Variants in BBS9 observed in about 807,000 individuals in gnomAD.
BBS9 encodes protein PTHB1.
A neutral mutation model predicts 117.7 loss-of-function variants in BBS9; 89 were observed. The observed-to-expected ratio is 0.76, with a 90% CI of 0.64 to 0.90. The LOEUF is 0.90. BBS9 is among the 40% of genes least tolerant of loss of function. The pLI, the probability that BBS9 is intolerant of heterozygous loss-of-function variation, is 0.00. For synonymous variants in BBS9, 379 were observed against 370.9 expected (o/e 1.02, Z -0.25); for missense variants, 982 against 1,042.2 (o/e 0.94, Z 0.80).
chr7:33,269,996 C>T lies in BBS9; in HGVS notation c.703-3016C>T, dbSNP rs185433370. 8.5e-5 allele frequency among the ~76,000 whole-genome samples: 12 copies of T among 141,438 alleles called. No individual in the cohort carries two copies. The East Asian group carries it at 2.5e-3, about 29-fold the overall frequency. The allele number at this position is 141,438 out of a possible 152,430, so 92.8% of individuals were successfully genotyped here. On this transcript the variant is annotated intron_variant, in intron 7 of 22. Transcript: ENST00000242067. ...TGAGATAGCTTCACTGCACTCCAGC[C>T]TGGCGACAGAGCAAGACTCTGTCTC...
intron 19 of BBS9, among the ~76,000 whole-genome samples, chr7:33,418,293 C>T (rs1832328621): frequency 6.6e-6 from 1 of 152,144 alleles, no homozygotes; most frequent in Non-Finnish European, 1.5e-5. Context: ...TCCGGACATA[C>T]AGTGTGACAT....
chr7:33,302,973 T>C (rs142052744), intron 9 of BBS9, among the ~76,000 whole-genome samples: 1,554 of 152,304 alleles, frequency 0.01, 19 homozygotes, highest in South Asian at 0.012. Flanking sequence ...GTTTTCATTG[T>C]AGAGATCTTT....
chr7:33,396,738 A>T (rs1005428792), intron 19 of BBS9, among the ~76,000 whole-genome samples: 3 of 152,172 alleles, frequency 2.0e-5, no homozygotes, highest in Non-Finnish European at 2.9e-5. Context: ...GCATCACCCC[A>T]CCTGACTTCA....
chr7:33,626,316 T>C (rs1865633912), intron 21 of BBS9, among the ~76,000 whole-genome samples: 1 of 152,212 alleles, frequency 6.6e-6, no homozygotes, highest in South Asian at 2.1e-4. Flanking sequence ...TTAAACCTCT[T>C]TTCTTTATAA....
chr7:33,224,510 A>T lies in BBS9; in HGVS notation c.443-32726A>T, dbSNP rs141674147. Among the ~76,000 whole-genome samples, 5 of 152,350 alleles carry T rather than the reference A, an allele frequency of 3.3e-5. No homozygotes were observed. In the East Asian group the frequency reaches 9.6e-4, roughly 29 times the overall value. ...TAACTTGAGAGTACAGTGGCAAAAT[A>T]ATGTGTTAGTAACACCAAATTTTTC... is the stretch of plus-strand genomic sequence containing the variant. On this transcript the variant is annotated intron_variant, in intron 5 of 22. Coordinates refer to ENST00000242067, the MANE Select transcript of BBS9 (RefSeq NM_198428.3).
intron 21 of BBS9, among the ~76,000 whole-genome samples, chr7:33,620,784 A>T (rs1865367472): frequency 6.6e-6 from 1 of 152,202 alleles, no homozygotes; most frequent in Admixed American, 6.5e-5. Context: ...TAGCCAAAGC[A>T]GTCCTGAGCA....
chr7:33,203,138 G>C (rs142578111), intron 5 of BBS9, among the ~76,000 whole-genome samples: 4 of 152,288 alleles, frequency 2.6e-5, no homozygotes, highest in Admixed American at 2.6e-4. Flanking sequence ...TTGGTAGGTG[G>C]TAGGGGTTGG....
chr7:33,390,923 T>G (rs1402963774), intron 19 of BBS9, among the ~76,000 whole-genome samples: 1 of 152,182 alleles, frequency 6.6e-6, no homozygotes, highest in Non-Finnish European at 1.5e-5. Context: ...CTAAAGTATG[T>G]ACTGGAACTC....
At chr7:33,309,265 A>G (rs1017509085) in intron 9 of BBS9, among the ~76,000 whole-genome samples, 3 of 152,188 alleles carry the variant, frequency 2.0e-5, no homozygotes, top group African/African-American at 7.2e-5. Context: ...AGCCTAGACT[A>G]AGGTAGTGGT....
intron 6 of BBS9, among the ~76,000 whole-genome samples, chr7:33,260,684 C>T (rs1345298489): frequency 1.3e-5 from 2 of 152,322 alleles, no homozygotes; most frequent in Middle Eastern, 3.4e-3. Flanking sequence ...CTCTTATCCT[C>T]AAATAGTATT....
chr7:33,417,356 G>A (rs1047248970), intron 19 of BBS9, among the ~76,000 whole-genome samples: 1 of 152,066 alleles, frequency 6.6e-6, no homozygotes, highest in African/African-American at 2.4e-5. Context: ...ACATACTTTT[G>A]GAATGTTATA....
intron 5 of BBS9, among the ~76,000 whole-genome samples, chr7:33,211,479 TTTTG>T (rs55801868): frequency 0.21 from 32,603 of 152,006 alleles, 3,624 homozygotes; most frequent in Non-Finnish European, 0.25. Flanking sequence ...CCCTGCTTTT[TTTTG>T]TTTATTTTTG....
chr7:33,469,564 T>C (rs1031475823), intron 19 of BBS9, among the ~76,000 whole-genome samples: 6 of 152,134 alleles, frequency 3.9e-5, no homozygotes, highest in African/African-American at 1.2e-4. Context: ...TTAACTAAGA[T>C]GCAGAATGAA....
At chr7:33,573,701 G>A (rs888471534) in intron 21 of BBS9, among the ~76,000 whole-genome samples, 4 of 152,018 alleles carry the variant, frequency 2.6e-5, no homozygotes, top group African/African-American at 4.8e-5. Flanking sequence ...TATCAAAGGC[G>A]CTCACTAGGG....
intron 21 of BBS9, among the ~76,000 whole-genome samples, chr7:33,549,723 A>T (rs938480838): frequency 6.6e-6 from 1 of 152,088 alleles, no homozygotes; most frequent in African/African-American, 2.4e-5. Context: ...CAAAACCACA[A>T]TGAGATACCA....
rs1216338032 is a variant in BBS9 at position 33,351,300 on chromosome 7, T to C, written c.1514T>C (p.Val505Ala). The part of the protein sequence containing the change: ...YTPSELEGNA[V>A]VSYSRPTDRN... ...CCATCAGAATTGGAAGGAAATGCTG[T>C]TGTTTCTTATTCCAGACCAACAGGT... The change falls in exon 14 of 23, where the codon GTT becomes GCT. Residue 505 changes from valine (V) to alanine (A), a missense_variant. Transcript: ENST00000242067. 6 of 1,611,310 alleles carry C rather than the reference T, an allele frequency of 3.7e-6. No individual in the cohort carries two copies. The highest frequency in any genetic ancestry group is 3.3e-4 in the Middle Eastern group (2 of 6,060).
chr7:33,253,408 G>A (rs768265081), intron 5 of BBS9, among the ~76,000 whole-genome samples: 4 of 152,134 alleles, frequency 2.6e-5, no homozygotes, highest in Non-Finnish European at 5.9e-5. Context: ...GAGGTCAGAA[G>A]TTCATGACCA....
Position 33,209,414 on chromosome 7 carries a change from A to C in BBS9, c.442+31823A>C, listed in dbSNP as rs188755579. Among the ~76,000 whole-genome samples, 445 of 152,322 alleles carry C rather than the reference A, an allele frequency of 2.9e-3. 3 individuals carry two copies. Among genetic ancestry groups the C allele is most frequent in the African/African-American group, 0.01 (419 of 41,562 alleles). On this transcript the variant is annotated intron_variant, in intron 5 of 22. Transcript: ENST00000242067. ...AGTGCTGCAAGAAACATAGGAGTGC[A>C]GATATCTCTTTGATATACTGATTTT...
intron 9 of BBS9, among the ~76,000 whole-genome samples, chr7:33,296,190 T>G (rs1304601204): frequency 6.6e-6 from 1 of 152,152 alleles, no homozygotes; most frequent in Non-Finnish European, 1.5e-5. Context: ...GATGTACTAT[T>G]GCTTAAGAAG....
Sources: gnomAD v4.1 joint callset for allele counts (sites outside exome capture counted in the v4.1 genomes callset) on GRCh38, gnomAD v4.1.1 for gene constraint, MANE v1.5 for transcripts, NCBI Gene and HGNC (gene_info 2026-07-23, HGNC 2026-07-21) for gene names.